Variants in B3GLCT observed in about 807,000 individuals in gnomAD.
The protein encoded by B3GLCT is beta-1,3-glucosyltransferase.
Under a neutral mutation model 63.4 loss-of-function variants are expected in B3GLCT, and 65 were observed. The ratio of observed to expected loss-of-function variants is 1.03; its 90% CI spans 0.84 to 1.26. B3GLCT has a LOEUF of 1.26. B3GLCT is among the 50% of genes most tolerant of loss of function. The probability of loss-of-function intolerance (pLI) is 0.00; values close to 1 mark genes in which losing one functional copy is unlikely to be tolerated. For synonymous variants in B3GLCT, 233 were observed against 219.2 expected (o/e 1.06, Z -0.55); for missense variants, 577 against 604.8 (o/e 0.95, Z 0.48).
intron 8 of B3GLCT, among the ~76,000 whole-genome samples, chr13:31,273,968 T>C (rs1052048402): frequency 4.6e-5 from 7 of 152,212 alleles, no homozygotes; most frequent in Non-Finnish European, 8.8e-5. Flanking sequence ...TATCAGAAAC[T>C]CAGCCTTGCC....
chr13:31,291,124 G>A (rs571990997), intron 12 of B3GLCT, among the ~76,000 whole-genome samples: 25 of 152,178 alleles, frequency 1.6e-4, no homozygotes, highest in South Asian at 4.1e-4. Flanking sequence ...GCTTGTTTTC[G>A]TCAGGTTTGT....
chr13:31,204,567 G>C (rs1234164340), intron 1 of B3GLCT, among the ~76,000 whole-genome samples: 2 of 152,152 alleles, frequency 1.3e-5, no homozygotes, highest in African/African-American at 4.8e-5. Flanking sequence ...AAGATCATTA[G>C]GGGCCAGGTT....
At chr13:31,322,008 C>T (rs543804221) in intron 13 of B3GLCT, among the ~76,000 whole-genome samples, 58 of 152,304 alleles carry the variant, frequency 3.8e-4, no homozygotes, top group African/African-American at 1.4e-3. Context: ...CTTCCGAGTT[C>T]CCAAAGTTCA....
At chr13:31,253,435 C>CA (rs1299561893) in intron 6 of B3GLCT, among the ~76,000 whole-genome samples, 7 of 150,498 alleles carry the variant, frequency 4.7e-5, no homozygotes, top group African/African-American at 7.3e-5. Context: ...ACTAAAAGTG[C>CA]AAAAAAAATT....
At chr13:31,268,287 C>T (rs143691434) in intron 7 of B3GLCT, among the ~76,000 whole-genome samples, 7 of 152,270 alleles carry the variant, frequency 4.6e-5, no homozygotes, top group African/African-American at 4.8e-5. Context: ...ATTCCTCCCT[C>T]GTTAGCTTTG....
chr13:31,292,860 TTGTC>T (rs1423614282), intron 12 of B3GLCT, among the ~76,000 whole-genome samples: 2 of 152,226 alleles, frequency 1.3e-5, no homozygotes, highest in African/African-American at 2.4e-5. Context: ...GCTTTTGACT[TTGTC>T]TGCTCTTTCT....
chr13:31,285,695 C>A (rs1511579), intron 11 of B3GLCT, among the ~76,000 whole-genome samples: 135,044 of 151,320 alleles, frequency 0.89, 60,580 homozygotes, highest in East Asian at 0.99. Context: ...ACTCATAATT[C>A]TTTCATTAAT....
Position 31,208,145 on chromosome 13 carries a change from A to G in B3GLCT, c.71-6906A>G, listed in dbSNP as rs181500641. 5.5e-3 allele frequency among the ~76,000 whole-genome samples: 833 copies of G among 152,150 alleles called. 6 individuals carry two copies. The highest frequency in any genetic ancestry group is 0.019 in the African/African-American group (804 of 41,490). On this transcript the variant is annotated intron_variant, in intron 1 of 14. Transcript: ENST00000343307. ...ACTCTGTACTTTGACCTTATGCTGTATGACTTCTCAGGCAGGGCCCCGGCC... is the reference window on the plus strand; with the variant it reads ...ACTCTGTACTTTGACCTTATGCTGTGTGACTTCTCAGGCAGGGCCCCGGCC...
At chr13:31,232,952 T>A (rs753282116) in intron 4 of B3GLCT, among the ~76,000 whole-genome samples, 4 of 152,234 alleles carry the variant, frequency 2.6e-5, no homozygotes, top group Non-Finnish European at 5.9e-5. Context: ...GAAGTTTCCT[T>A]GTATTTCTCC....
At chr13:31,288,031 T>G (rs1416441433) in intron 12 of B3GLCT, among the ~76,000 whole-genome samples, 2 of 152,182 alleles carry the variant, frequency 1.3e-5, no homozygotes, top group East Asian at 1.9e-4. Flanking sequence ...CTTGAATATA[T>G]GCAATTGAAA....
intron 3 of B3GLCT, among the ~76,000 whole-genome samples, chr13:31,225,523 A>G (rs865953136): frequency 1.1e-4 from 17 of 152,224 alleles, no homozygotes; most frequent in African/African-American, 4.1e-4. Context: ...TGTACTAACT[A>G]TACTAACCTG....
chr13:31,287,677 A>T (rs1873400959), intron 12 of B3GLCT, among the ~76,000 whole-genome samples: 1 of 152,140 alleles, frequency 6.6e-6, no homozygotes, highest in South Asian at 2.1e-4. Flanking sequence ...GTGAAAAAAA[A>T]TTAGCTTATT....
At chr13:31,205,270 T>A (rs1291395558) in intron 1 of B3GLCT, among the ~76,000 whole-genome samples, 1 of 143,880 alleles carries the variant, frequency 7.0e-6, no homozygotes, top group East Asian at 2.0e-4. Flanking sequence ...AAGAGTTGGG[T>A]GTCTGGTCGG....
At chr13:31,288,260 C>CT (rs1371831187) in intron 12 of B3GLCT, among the ~76,000 whole-genome samples, 1 of 152,060 alleles carries the variant, frequency 6.6e-6, no homozygotes, top group Non-Finnish European at 1.5e-5. Flanking sequence ...CATGCTTAAC[C>CT]CATTGTAGCT....
At chr13:31,210,884 A>T (rs992935118) in intron 1 of B3GLCT, among the ~76,000 whole-genome samples, 2 of 152,076 alleles carry the variant, frequency 1.3e-5, no homozygotes, top group Non-Finnish European at 2.9e-5. Flanking sequence ...AGCTGGGACT[A>T]CAGGTGTGCA....
At chr13:31,264,176 GC>G (rs915681627) in intron 7 of B3GLCT, among the ~76,000 whole-genome samples, 7 of 152,114 alleles carry the variant, frequency 4.6e-5, no homozygotes, top group African/African-American at 1.4e-4. Flanking sequence ...TAATAACATT[GC>G]CTTGAGGGGT....
intron 10 of B3GLCT, among the ~76,000 whole-genome samples, chr13:31,282,617 G>A (rs536295742): frequency 3.4e-4 from 51 of 149,294 alleles, no homozygotes; most frequent in African/African-American, 1.2e-3. Context: ...ACTCCAGCCT[G>A]GGCAACAGAG....
intron 6 of B3GLCT, among the ~76,000 whole-genome samples, chr13:31,259,470 C>G (rs766434746): frequency 6.6e-6 from 1 of 151,872 alleles, no homozygotes; most frequent in Non-Finnish European, 1.5e-5. Flanking sequence ...CCTTGATCTC[C>G]CGGCACTACA....
At chr13:31,301,672 CTTAA>C (rs1472908549) in intron 12 of B3GLCT, among the ~76,000 whole-genome samples, 1 of 152,224 alleles carries the variant, frequency 6.6e-6, no homozygotes, top group African/African-American at 2.4e-5. Flanking sequence ...TGGCCTCTCT[CTTAA>C]TTGTTACCTT....
Sources: allele counts gnomAD v4.1 joint callset (sites outside exome capture counted in the v4.1 genomes callset), GRCh38; gene constraint gnomAD v4.1.1; transcripts MANE v1.5; gene names NCBI Gene and HGNC (gene_info 2026-07-23, HGNC 2026-07-21).